Variants in CAMTA1 observed in about 807,000 individuals in gnomAD.
CAMTA1 encodes the protein calmodulin-binding transcription activator 1.
A neutral mutation model predicts 170.9 loss-of-function variants in CAMTA1; 27 were observed. That is an observed-to-expected ratio of 0.16 (90% CI 0.12 to 0.22). The LOEUF is 0.22. Ranked by LOEUF, CAMTA1 falls within the 10% of genes least tolerant of loss-of-function variation. The pLI is 1.00. For synonymous variants in CAMTA1, 833 were observed against 891.5 expected (o/e 0.93, Z 1.17); for missense variants, 1,619 against 2,217.2 (o/e 0.73, Z 5.42).
chr1:7,296,818 G>C (rs1235602464), intron 5 of CAMTA1, among the ~76,000 whole-genome samples: 1 of 152,112 alleles, frequency 6.6e-6, no homozygotes, highest in African/African-American at 2.4e-5. Flanking sequence ...TGACCACCGA[G>C]AGAAAGAGTA....
intron 2 of CAMTA1, among the ~76,000 whole-genome samples, chr1:6,821,836 A>G (rs909290828): frequency 1.3e-5 from 2 of 152,140 alleles, no homozygotes; most frequent in African/African-American, 4.8e-5. Context: ...GAAAACAGTA[A>G]TTCTGCTTTT....
chr1:7,758,668 G>C (rs1319684250), intron 22 of CAMTA1, among the ~76,000 whole-genome samples: 1 of 152,190 alleles, frequency 6.6e-6, no homozygotes, highest in Non-Finnish European at 1.5e-5. Context: ...GGGCGCGGTG[G>C]CTTACGCCTG....
At chr1:7,197,631 CACACA>C in intron 4 of CAMTA1, among the ~76,000 whole-genome samples, 1 of 46,070 alleles carries the variant, frequency 2.2e-5, no homozygotes, top group Non-Finnish European at 4.2e-5. Flanking sequence ...TCCCCCACCA[CACACA>C]CACACACACA....
At chr1:7,128,056 A>G (rs760994285) in intron 4 of CAMTA1, among the ~76,000 whole-genome samples, 8 of 152,168 alleles carry the variant, frequency 5.3e-5, no homozygotes, top group Admixed American at 1.3e-4. Flanking sequence ...GGATGCCTAC[A>G]TGACCCCCAG....
intron 3 of CAMTA1, among the ~76,000 whole-genome samples, chr1:7,033,588 CTTTTT>C (rs34282545): frequency 4.2e-5 from 4 of 95,130 alleles, no homozygotes; most frequent in African/African-American, 8.2e-5. Flanking sequence ...TGTAAATATT[CTTTTT>C]TTTTTTTTTT....
At chr1:7,161,756 G>A (rs1283897771) in intron 4 of CAMTA1, among the ~76,000 whole-genome samples, 1 of 152,100 alleles carries the variant, frequency 6.6e-6, no homozygotes, top group Non-Finnish European at 1.5e-5. Context: ...GCACAAAAAC[G>A]GACTAATATA....
At chr1:6,914,921 A>G (rs897365439) in intron 3 of CAMTA1, among the ~76,000 whole-genome samples, 1 of 152,206 alleles carries the variant, frequency 6.6e-6, no homozygotes, top group African/African-American at 2.4e-5. Flanking sequence ...GTACTGCCTG[A>G]AAGAATCACT....
intron 3 of CAMTA1, among the ~76,000 whole-genome samples, chr1:7,047,644 T>C (rs1021806877): frequency 2.0e-5 from 3 of 152,098 alleles, no homozygotes; most frequent in Non-Finnish European, 4.4e-5. Context: ...CCAAAGTGGT[T>C]GCATGTCTCG....
intron 5 of CAMTA1, among the ~76,000 whole-genome samples, chr1:7,369,498 G>A (rs1389564527): frequency 1.3e-5 from 2 of 152,206 alleles, no homozygotes; most frequent in African/African-American, 4.8e-5. Flanking sequence ...GCTTATCAGA[G>A]TGAAAGGACA....
intron 5 of CAMTA1, among the ~76,000 whole-genome samples, chr1:7,452,712 C>A (rs965609546): frequency 7.2e-5 from 11 of 152,204 alleles, no homozygotes; most frequent in Non-Finnish European, 1.0e-4. Context: ...GTTCCCCTCT[C>A]GGGGTGGATA....
chr1:7,746,259 G>C (rs1426289287), intron 18 of CAMTA1, among the ~76,000 whole-genome samples, 168 bp downstream of exon 18: 1 of 152,136 alleles, frequency 6.6e-6, no homozygotes, highest in Non-Finnish European at 1.5e-5. Context: ...TAACATATCT[G>C]TGTGTGTATC....
At chr1:7,301,776 G>C (rs369627902) in intron 5 of CAMTA1, among the ~76,000 whole-genome samples, 13 of 152,172 alleles carry the variant, frequency 8.5e-5, no homozygotes, top group Admixed American at 3.3e-4. Flanking sequence ...CCCACTTCTC[G>C]AGGGCAGCCT....
intron 6 of CAMTA1, among the ~76,000 whole-genome samples, chr1:7,492,739 A>G (rs1369047481): frequency 5.0e-5 from 4 of 79,986 alleles, no homozygotes; most frequent in African/African-American, 3.3e-4. Flanking sequence ...CTACATACAC[A>G]CACGCGCGCA....
chr1:7,197,300 G>T (rs1377653993), intron 4 of CAMTA1, among the ~76,000 whole-genome samples: 5 of 152,168 alleles, frequency 3.3e-5, no homozygotes, highest in Non-Finnish European at 7.4e-5. Context: ...CAAACAAGGG[G>T]CTCTGAAGCA....
At chr1:7,747,021 TTTAA>T (rs1286987593) in intron 18 of CAMTA1, among the ~76,000 whole-genome samples, 5 of 152,256 alleles carry the variant, frequency 3.3e-5, no homozygotes, top group African/African-American at 1.2e-4. Context: ...TCATAGAATT[TTTAA>T]TTAAAGTTAT....
At chr1:7,155,321 C>A (rs937848485) in intron 4 of CAMTA1, among the ~76,000 whole-genome samples, 5 of 151,140 alleles carry the variant, frequency 3.3e-5, no homozygotes, top group African/African-American at 1.2e-4. Context: ...CTACCTGTCC[C>A]TTTTGCTGTC....
intron 3 of CAMTA1, among the ~76,000 whole-genome samples, chr1:7,079,406 TA>T (rs1342961867): frequency 3.3e-5 from 5 of 152,128 alleles, no homozygotes; most frequent in Non-Finnish European, 4.4e-5. Context: ...CCAAGCAAGG[TA>T]AATACAAAGA....
chr1:7,130,542 A>G (rs978974042), intron 4 of CAMTA1, among the ~76,000 whole-genome samples: 5 of 152,152 alleles, frequency 3.3e-5, no homozygotes, highest in African/African-American at 9.7e-5. Flanking sequence ...GTATTTTCCT[A>G]TGTGATTTTT....
rs114269779 is a variant in CAMTA1, at chr1:7,095,643, C to T, written c.302+4272C>T. 5.8e-3 allele frequency among the ~76,000 whole-genome samples: 887 copies of T among 152,348 alleles called. 12 individuals are homozygous for T. The highest frequency in any genetic ancestry group is 0.02 in the African/African-American group (816 of 41,582). ...TCTATTCCTCTCCGCCTCTCACTGCCGTGAATTCCAAACCAACTAGGAGAA... is the reference window on the plus strand; with the variant it reads ...TCTATTCCTCTCCGCCTCTCACTGCTGTGAATTCCAAACCAACTAGGAGAA... On this transcript the variant is annotated intron_variant, in intron 4 of 22. Coordinates refer to ENST00000303635, the MANE Select transcript of CAMTA1 (RefSeq NM_015215.4).
Sources: gnomAD v4.1 joint callset for allele counts (sites outside exome capture counted in the v4.1 genomes callset) on GRCh38, gnomAD v4.1.1 for gene constraint, MANE v1.5 for transcripts, NCBI Gene and HGNC (gene_info 2026-07-23, HGNC 2026-07-21) for gene names.